CFAP61: variants seen among roughly 807,000 people sequenced by gnomAD.
CFAP61 encodes cilia and flagella associated protein 61.
In CFAP61, 107 loss-of-function variants were observed where a neutral mutation model predicts 135.6. The ratio of observed to expected loss-of-function variants is 0.79; its 90% CI spans 0.67 to 0.93. CFAP61 has a LOEUF of 0.93. Among genes scored for constraint, CFAP61 ranks in the 40% least tolerant of loss-of-function variants. The pLI is 0.00. For missense variants in CFAP61, 1,507 were observed against 1,556.2 expected, an observed-to-expected ratio of 0.97 and a Z score of 0.53; for synonymous variants, 575 against 578.5, an observed-to-expected ratio of 0.99 and a Z score of 0.09.
intron 26 of CFAP61, among the ~76,000 whole-genome samples, chr20:20,356,180 G>GGA (rs2059148539): frequency 8.0e-6 from 1 of 124,290 alleles, no homozygotes; most frequent in African/African-American, 3.1e-5. Flanking sequence ...CACTGAGGGG[G>GGA]GGTGGTCACA....
intron 2 of CFAP61, among the ~76,000 whole-genome samples, chr20:20,057,807 T>C (rs553492438): frequency 9.2e-5 from 14 of 152,292 alleles, no homozygotes; most frequent in African/African-American, 3.4e-4. Flanking sequence ...AATCTCCGCC[T>C]CCTGGGTTCA....
chr20:20,177,722 T>G (rs1223786894), intron 13 of CFAP61, among the ~76,000 whole-genome samples: 2 of 149,212 alleles, frequency 1.3e-5, no homozygotes, highest in Admixed American at 6.8e-5. Flanking sequence ...AGGAAAGAGA[T>G]CAAATGCACA....
intron 8 of CFAP61, among the ~76,000 whole-genome samples, chr20:20,110,415 G>A (rs1462918992): frequency 2.0e-5 from 3 of 151,998 alleles, no homozygotes; most frequent in Non-Finnish European, 4.4e-5. Context: ...AGAAGACTAG[G>A]GCTACAAGTT....
chr20:20,228,724 C>A (rs181806869), intron 18 of CFAP61: 170 of 173,226 alleles, frequency 9.8e-4, no homozygotes, highest in Middle Eastern at 5.0e-3. Context: ...GCCTTCAGTG[C>A]CTAAAATATG....
chr20:20,060,615 C>G (rs2044722239), intron 2 of CFAP61, among the ~76,000 whole-genome samples: 1 of 152,192 alleles, frequency 6.6e-6, no homozygotes, highest in Non-Finnish European at 1.5e-5. Flanking sequence ...CAAACAGGCT[C>G]CCCTGGCTCC....
chr20:20,256,920 T>C (rs1349823594), intron 20 of CFAP61, among the ~76,000 whole-genome samples: 2 of 152,130 alleles, frequency 1.3e-5, no homozygotes, highest in Non-Finnish European at 2.9e-5. Context: ...CCCTGTGGCC[T>C]TCTTAGCTTA....
At chr20:20,278,900 C>T (rs766724807) in intron 22 of CFAP61, among the ~76,000 whole-genome samples, 2 of 152,124 alleles carry the variant, frequency 1.3e-5, no homozygotes, top group Non-Finnish European at 2.9e-5. Flanking sequence ...GCTCTGTCCT[C>T]GATGTTAGGG....
At chr20:20,296,427 C>T (rs1361418927) in intron 24 of CFAP61, among the ~76,000 whole-genome samples, 1 of 122,386 alleles carries the variant, frequency 8.2e-6, no homozygotes, top group Non-Finnish European at 1.7e-5. Flanking sequence ...TTCTTTCTTC[C>T]TCCCTCCCTC....
intron 8 of CFAP61, among the ~76,000 whole-genome samples, chr20:20,123,587 C>T (rs1406722914): frequency 6.6e-6 from 1 of 151,766 alleles, no homozygotes; most frequent in Non-Finnish European, 1.5e-5. Flanking sequence ...GTTCTCTATT[C>T]TGTTCCATTG....
intron 26 of CFAP61, among the ~76,000 whole-genome samples, chr20:20,358,177 G>A (rs1484890612): frequency 1.4e-5 from 2 of 140,148 alleles, no homozygotes; most frequent in African/African-American, 2.6e-5. Context: ...TCACACTGAG[G>A]GGAAGTGGTC....
chr20:20,293,019 T>C (rs1185796877), intron 24 of CFAP61, among the ~76,000 whole-genome samples: 1 of 152,146 alleles, frequency 6.6e-6, no homozygotes, highest in Non-Finnish European at 1.5e-5. Context: ...AGAAAGTAAA[T>C]CTGCCACCAG....
chr20:20,077,793 G>T (rs1281663192), intron 6 of CFAP61, among the ~76,000 whole-genome samples: 1 of 150,726 alleles, frequency 6.6e-6, no homozygotes, highest in East Asian at 1.9e-4. Flanking sequence ...ATATGAGGGA[G>T]TGTCTGGGTT....
chr20:20,111,191 TTTGA>T (rs1432512472), intron 8 of CFAP61, among the ~76,000 whole-genome samples: 1 of 152,174 alleles, frequency 6.6e-6, no homozygotes, highest in Non-Finnish European at 1.5e-5. Flanking sequence ...TTAAATTTGG[TTTGA>T]TTATTTATAT....
At chr20:20,294,882 T>A (rs368902292) in intron 24 of CFAP61, among the ~76,000 whole-genome samples, 1 of 150,378 alleles carries the variant, frequency 6.6e-6, no homozygotes, top group Non-Finnish European at 1.5e-5. Flanking sequence ...GAGCCGAGAT[T>A]GCGCCACTGC....
At position 20,199,865 on chromosome 20, in the gene CFAP61, G is replaced by T. The variant is rs773508255; in HGVS notation, c.1895G>T (p.Gly632Val). The change falls in exon 17 of 27, where the codon GGC (glycine) becomes GTC (valine). Residue 632 changes from glycine to valine, a missense_variant. Coordinates refer to ENST00000245957, the MANE Select transcript of CFAP61 (RefSeq NM_015585.4). ...RQIVYPLEKLGINAPSKAVSK... is the reference protein window; with the variant it reads ...RQIVYPLEKLVINAPSKAVSK... Reference sequence around the variant, plus strand: ...ATTGTCTATCCTCTGGAAAAGCTTGGCATAAACGCTCCATCAAAGGCGGTC... The same window carrying T: ...ATTGTCTATCCTCTGGAAAAGCTTGTCATAAACGCTCCATCAAAGGCGGTC... 6.2e-7 allele frequency: 1 copy of T among 1,614,138 alleles called. No homozygotes were observed. Among genetic ancestry groups the T allele is most frequent in the Non-Finnish European group, 8.5e-7 (1 of 1,180,032 alleles).
chr20:20,180,650 C>T (rs1350514425), intron 13 of CFAP61, among the ~76,000 whole-genome samples: 1 of 152,178 alleles, frequency 6.6e-6, no homozygotes, highest in Non-Finnish European at 1.5e-5. Flanking sequence ...CCCAGCAACC[C>T]CACTACTGAG....
chr20:20,113,878 A>G lies in CFAP61; in HGVS notation c.859+15064A>G, dbSNP rs577185421. 3.3e-5 allele frequency among the ~76,000 whole-genome samples: 5 copies of G among 151,102 alleles called. No individual in the cohort carries two copies. In the East Asian group the frequency reaches 9.8e-4, roughly 30 times the overall value. On this transcript the variant is annotated intron_variant, in intron 8 of 26. Coordinates refer to ENST00000245957, the MANE Select transcript of CFAP61 (RefSeq NM_015585.4). ...CCATAGACTTATGATAAATCTTGAT[A>G]CTGGCAGAGTAAGTCTTTCCACCTT...
At chr20:20,335,177 C>A (rs1333602708) in intron 25 of CFAP61, among the ~76,000 whole-genome samples, 1 of 152,148 alleles carries the variant, frequency 6.6e-6, no homozygotes, top group East Asian at 1.9e-4. Context: ...GGAAAATATT[C>A]TGTGGGTTTT....
In CFAP61 at chr20:20,340,697, C is replaced by T. The variant is rs1488173376; in HGVS notation, c.3423-1134C>T. On this transcript the variant is annotated intron_variant, in intron 25 of 26. Coordinates refer to ENST00000245957, the MANE Select transcript of CFAP61 (RefSeq NM_015585.4). ...CCAGACGGAGGTGGCCGTAGACCCC[C>T]AAAACCAAGGGGGTGGGAGCTCCGA... 2.0e-5 allele frequency among the ~76,000 whole-genome samples: 3 copies of T among 152,134 alleles called. No homozygotes were observed. The East Asian group carries it at 5.8e-4, about 29-fold the overall frequency.
Sources: gnomAD v4.1 joint callset for allele counts (sites outside exome capture counted in the v4.1 genomes callset) on GRCh38, gnomAD v4.1.1 for gene constraint, MANE v1.5 for transcripts, NCBI Gene and HGNC (gene_info 2026-07-23, HGNC 2026-07-21) for gene names.